Variants in PTGER4 observed in about 807,000 individuals in gnomAD.
The protein encoded by PTGER4 is prostaglandin E receptor 4, also known as prostaglandin E2 receptor EP4 subtype.
Under a neutral mutation model 33.2 loss-of-function variants are expected in PTGER4, and 11 were observed. That is an observed-to-expected ratio of 0.33 (90% CI 0.21 to 0.55). PTGER4 has a LOEUF of 0.55. PTGER4 is among the 20% of genes least tolerant of loss of function. The pLI, the probability that PTGER4 is intolerant of heterozygous loss-of-function variation, is 0.92. For synonymous variants in PTGER4, 275 were observed against 281.5 expected (o/e 0.98, Z 0.23); for missense variants, 481 against 650.2 (o/e 0.74, Z 2.83).
intron 2 of PTGER4, among the ~76,000 whole-genome samples, chr5:40,682,252 CA>C (rs1445377851): frequency 4.6e-5 from 7 of 152,178 alleles, no homozygotes; most frequent in Non-Finnish European, 8.8e-5. Context: ...CTGTGAACTG[CA>C]AAACCTGAAA....
At chr5:40,698,806 CTG>C in the PTGER4 span, among the ~76,000 whole-genome samples, 2 of 152,146 alleles carry the variant, frequency 1.3e-5, no homozygotes, top group Non-Finnish European at 2.9e-5. Flanking sequence ...GGCCTTTACT[CTG>C]TAGTTTTTCC....
At chr5:40,730,876 TA>T in the PTGER4 span, among the ~76,000 whole-genome samples, 1 of 152,294 alleles carries the variant, frequency 6.6e-6, no homozygotes, top group South Asian at 2.1e-4. Flanking sequence ...ATACTTAGTA[TA>T]ATTTAACACC....
chr5:40,681,668 C>T lies in PTGER4; in HGVS notation c.675C>T (p.Thr225=), dbSNP rs753129067. ...TCATGCGCCGCACCTCGCTGGGCACCGAGCAGCACCACGCGGCCGCGGCCG... is the reference window on the plus strand; with the variant it reads ...TCATGCGCCGCACCTCGCTGGGCACTGAGCAGCACCACGCGGCCGCGGCCG... ...RQFMRRTSLG[T]EQHHAAAAAS... is the part of the protein sequence containing the mutation. The change falls in exon 2 of 3, where the codon ACC becomes ACT. Residue 225 remains threonine, a synonymous_variant. Coordinates refer to ENST00000302472, the MANE Select transcript of PTGER4 (RefSeq NM_000958.3). The surrounding 1 kb of genome is among the most constrained non-coding windows in gnomAD (Gnocchi z 9.8). 6.9e-6 allele frequency: 11 copies of T among 1,585,048 alleles called. No homozygotes were observed. The Admixed American group carries it at 7.0e-5, about 10-fold the overall frequency.
At chr5:40,686,740 T>TA (rs908395221) in intron 2 of PTGER4, among the ~76,000 whole-genome samples, 1 of 151,962 alleles carries the variant, frequency 6.6e-6, no homozygotes, top group African/African-American at 2.4e-5. Context: ...TAACATAATT[T>TA]AAAAAAAATT....
chr5:40,733,192 A>T, the PTGER4 span, among the ~76,000 whole-genome samples: 1 of 152,192 alleles, frequency 6.6e-6, no homozygotes, highest in Non-Finnish European at 1.5e-5. Flanking sequence ...TGAGAATTCT[A>T]CGTTTAGCAG....
At chr5:40,720,532 A>T in the PTGER4 span, among the ~76,000 whole-genome samples, 1 of 152,236 alleles carries the variant, frequency 6.6e-6, no homozygotes, top group Non-Finnish European at 1.5e-5. Context: ...AATTTAAGAT[A>T]GTTTAAAATC....
chr5:40,745,820 G>A, the PTGER4 span, among the ~76,000 whole-genome samples: 1 of 151,728 alleles, frequency 6.6e-6, no homozygotes, highest in Non-Finnish European at 1.5e-5. Flanking sequence ...CCGCATCCTC[G>A]AACTCCTGGG....
the PTGER4 span, among the ~76,000 whole-genome samples, chr5:40,745,752 T>A: frequency 6.6e-6 from 1 of 151,438 alleles, no homozygotes; most frequent in African/African-American, 2.4e-5. Context: ...TGTTTATTTA[T>A]TTGACAGGGT....
chr5:40,702,545 G>C, the PTGER4 span, among the ~76,000 whole-genome samples: 1 of 152,326 alleles, frequency 6.6e-6, no homozygotes, highest in African/African-American at 2.4e-5. Flanking sequence ...AAGAGACATA[G>C]ATTCCAGACA....
the PTGER4 span, among the ~76,000 whole-genome samples, chr5:40,745,099 T>C: frequency 6.6e-6 from 1 of 152,154 alleles, no homozygotes; most frequent in Non-Finnish European, 1.5e-5. Context: ...ATAGTCAGTG[T>C]CATGGGGGAT....
At chr5:40,742,011 T>C in the PTGER4 span, among the ~76,000 whole-genome samples, 1 of 151,914 alleles carries the variant, frequency 6.6e-6, no homozygotes, top group Non-Finnish European at 1.5e-5. Flanking sequence ...AAAAAAGAAA[T>C]TAAGGAAGCT....
In PTGER4 at chr5:40,692,113, T is replaced by A. The variant is rs766283820; in HGVS notation, c.1202T>A (p.Leu401Gln). The A allele has an allele frequency of 6.2e-7, 1 of 1,614,140 alleles. No homozygotes were observed. Among genetic ancestry groups the A allele is most frequent in the Non-Finnish European group, 8.5e-7 (1 of 1,180,024 alleles). ...CAGACCCTCCTGCCAGACCTCTCAC[T>A]GCCAGACCTCAGTGAAAATGGCCTT... ...TSQTLLPDLS[L>Q]PDLSENGLGG... is the part of the protein sequence containing the mutation. Residue 401 changes from leucine to glutamine, a missense_variant, in exon 3 of 3, where the codon CTG becomes CAG. Leu to Gln is a moderately radical substitution (Grantham distance 113, BLOSUM62 -2). Coordinates refer to ENST00000302472, the MANE Select transcript of PTGER4 (RefSeq NM_000958.3).
chr5:40,695,187 A>T (rs1741562636), downstream of PTGER4, among the ~76,000 whole-genome samples: 1 of 152,154 alleles, frequency 6.6e-6, no homozygotes, highest in Admixed American at 6.5e-5. Context: ...AAGGCAGTGG[A>T]TCACTTGAGG....
the PTGER4 span, among the ~76,000 whole-genome samples, chr5:40,728,886 T>G: frequency 6.6e-6 from 1 of 152,190 alleles, no homozygotes; most frequent in African/African-American, 2.4e-5. Flanking sequence ...ATGAACATCT[T>G]TATGTTATAA....
chr5:40,697,606 GAAAA>G, downstream of PTGER4, among the ~76,000 whole-genome samples: 1 of 140,314 alleles, frequency 7.1e-6, no homozygotes, highest in East Asian at 2.1e-4. Context: ...AAAAAACAAA[GAAAA>G]AAGAAAAAGA....
At chr5:40,731,595 A>G in the PTGER4 span, among the ~76,000 whole-genome samples, 1 of 152,214 alleles carries the variant, frequency 6.6e-6, no homozygotes, top group Non-Finnish European at 1.5e-5. Context: ...TTATAAATCC[A>G]TAAGATCTCG....
At chr5:40,689,687 T>C (rs1220177153) in intron 2 of PTGER4, among the ~76,000 whole-genome samples, 2 of 152,156 alleles carry the variant, frequency 1.3e-5, no homozygotes, top group Admixed American at 6.5e-5. Context: ...ACGCTGTATA[T>C]AGTAAGGCAG....
the PTGER4 span, among the ~76,000 whole-genome samples, chr5:40,720,662 G>A: frequency 1.3e-5 from 2 of 152,106 alleles, no homozygotes; most frequent in African/African-American, 4.8e-5. Flanking sequence ...CACCAATTCA[G>A]CAACAATTCA....
chr5:40,681,022 C>T lies in PTGER4; in HGVS notation c.29C>T (p.Ala10Val), dbSNP rs143194847. The T allele has an allele frequency of 2.6e-5, 42 of 1,613,596 alleles. No individual in the cohort carries two copies. The African/African-American group carries it at 5.2e-4, about 20-fold the overall frequency. ...TCCACTCCCGGGGTCAATTCGTCCGCCTCCTTGAGCCCCGACCGGCTGAAC... is the reference window on the plus strand; with the variant it reads ...TCCACTCCCGGGGTCAATTCGTCCGTCTCCTTGAGCCCCGACCGGCTGAAC... MSTPGVNSS[A>V]SLSPDRLNSP... The change falls in exon 2 of 3, where the codon GCC (alanine) becomes GTC (valine). Residue 10 changes from alanine to valine, a missense_variant. By Grantham distance (64) the Ala-to-Val change is moderately conservative. Around this residue, in one of 7 missense-constraint regions of PTGER4, gnomAD observed 26 missense variants for 21.0 expected, o/e 1.24. Transcript: ENST00000302472. This position sits in a 1 kb window ranked among gnomAD's most constrained non-coding sequence, Gnocchi z 9.8.
Sources: allele counts gnomAD v4.1 joint callset (sites outside exome capture counted in the v4.1 genomes callset), GRCh38; gene constraint gnomAD v4.1.1; regional missense constraint gnomAD v4.1.1; non-coding constraint Gnocchi (gnomAD v3.1); transcripts MANE v1.5; gene names NCBI Gene and HGNC (gene_info 2026-07-23, HGNC 2026-07-21).